Variants in EPB41L4B observed in about 807,000 individuals in gnomAD.
The protein encoded by EPB41L4B is band 4.1-like protein 4B.
Under a neutral mutation model 112.5 loss-of-function variants are expected in EPB41L4B, and 30 were observed. The observed-to-expected ratio is 0.27, with a 90% CI of 0.20 to 0.36. The LOEUF (loss-of-function observed/expected upper bound fraction) is 0.36, where lower values mean the gene tolerates loss of function less well. Among genes scored for constraint, EPB41L4B ranks in the 10% least tolerant of loss-of-function variants. The pLI, the probability that EPB41L4B is intolerant of heterozygous loss-of-function variation, is 1.00. For synonymous variants in EPB41L4B, 408 were observed against 439.7 expected (o/e 0.93, Z 0.90); for missense variants, 1,024 against 1,133.3 (o/e 0.90, Z 1.38).
intron 6 of EPB41L4B, among the ~76,000 whole-genome samples, chr9:109,260,574 CTGGCTAATTTTTGTATTTT>C (rs1835164230): frequency 6.6e-6 from 1 of 152,076 alleles, no homozygotes; most frequent in Non-Finnish European, 1.5e-5. Context: ...ACCACCATGC[CTGGCTAATTTTTGTATTTT>C]TGGTAGAGAT....
chr9:109,240,160 A>T (rs914902210), intron 15 of EPB41L4B: 1 of 985,466 alleles, frequency 1.0e-6, no homozygotes, highest in African/African-American at 1.7e-5. Flanking sequence ...GTCAAAAAAA[A>T]AGCAAGAATA....
At chr9:109,270,437 C>G (rs996177321) in intron 2 of EPB41L4B, among the ~76,000 whole-genome samples, 3 of 152,090 alleles carry the variant, frequency 2.0e-5, no homozygotes, top group African/African-American at 4.8e-5. Context: ...CGTCCATATT[C>G]ATTTGTTGTT....
intron 11 of EPB41L4B, 149 bp from the exon 12 acceptor site, chr9:109,253,699 C>T: frequency 1.6e-6 from 1 of 636,976 alleles, no homozygotes; most frequent in South Asian, 1.9e-5. Flanking sequence ...AAAGTTTAAC[C>T]TTCCATTTGG....
chr9:109,239,038 C>T (rs1210936229), intron 15 of EPB41L4B, among the ~76,000 whole-genome samples: 2 of 152,080 alleles, frequency 1.3e-5, no homozygotes, highest in African/African-American at 2.4e-5. Context: ...TGGCACAGGC[C>T]GACTGTGTTT....
At chr9:109,233,215 C>T (rs1460000633) in intron 15 of EPB41L4B, among the ~76,000 whole-genome samples, 1 of 152,184 alleles carries the variant, frequency 6.6e-6, no homozygotes, top group Non-Finnish European at 1.5e-5. Flanking sequence ...AATTCTGCAG[C>T]CTTTCATCCA....
At chr9:109,263,988 C>G (rs978053220) in intron 5 of EPB41L4B, among the ~76,000 whole-genome samples, 1 of 151,898 alleles carries the variant, frequency 6.6e-6, no homozygotes, top group Non-Finnish European at 1.5e-5. Flanking sequence ...AAGACAATTT[C>G]TAGAGTTACA....
intron 3 of EPB41L4B, among the ~76,000 whole-genome samples, chr9:109,267,958 T>A (rs1333842752): frequency 6.6e-6 from 1 of 152,242 alleles, no homozygotes; most frequent in Non-Finnish European, 1.5e-5. Flanking sequence ...TATGAATTTT[T>A]AAAAATTACC....
intron 4 of EPB41L4B, 51 bp from the exon 5 acceptor site, chr9:109,265,075 C>A: frequency 6.6e-7 from 1 of 1,513,894 alleles, no homozygotes; most frequent in Non-Finnish European, 9.0e-7. Flanking sequence ...CCCAGCTGCT[C>A]CCAATCCCCA....
chr9:109,288,689 C>T (rs1275664331), intron 1 of EPB41L4B, among the ~76,000 whole-genome samples: 1 of 129,268 alleles, frequency 7.7e-6, no homozygotes, highest in African/African-American at 3.1e-5. Context: ...TGCCACTGCA[C>T]TCCAGCCTTG....
At chr9:109,281,729 T>A (rs1836064879) in intron 1 of EPB41L4B, among the ~76,000 whole-genome samples, 1 of 79,764 alleles carries the variant, frequency 1.3e-5, no homozygotes. Context: ...AATAAATTAA[T>A]TAATTAATTT....
intron 1 of EPB41L4B, among the ~76,000 whole-genome samples, chr9:109,316,526 A>G (rs1264668343): frequency 1.3e-5 from 2 of 152,130 alleles, no homozygotes; most frequent in African/African-American, 4.8e-5. Flanking sequence ...CGAGGGAGGG[A>G]GTCCTGCCCT....
chr9:109,251,300 A>G (rs1271024508), intron 13 of EPB41L4B, among the ~76,000 whole-genome samples, 181 bp downstream of exon 13: 3 of 152,258 alleles, frequency 2.0e-5, no homozygotes, highest in Non-Finnish European at 2.9e-5. Context: ...CTGTCTTGGA[A>G]CATTATATTG....
At chr9:109,229,198 G>A (rs1833876094) in intron 15 of EPB41L4B, among the ~76,000 whole-genome samples, 1 of 152,146 alleles carries the variant, frequency 6.6e-6, no homozygotes, top group African/African-American at 2.4e-5. Context: ...CATGGATCTT[G>A]TTACTTACAC....
rs117569740 is a variant in EPB41L4B, at chr9:109,320,230, C to T, written c.217G>A (p.Val73Met). 0.16 allele frequency: 213,430 copies of T among 1,322,246 alleles called. 17,651 individuals carry two copies. Among genetic ancestry groups the T allele is most frequent in the East Asian group, 0.19 (6,237 of 32,132 alleles). The allele number at this position is 1,322,246 out of a possible 1,614,324, so 81.9% of individuals were successfully genotyped here. The change falls in exon 1 of 26, where the codon GTG (valine) becomes ATG (methionine). Residue 73 changes from valine to methionine, a missense_variant. Coordinates refer to ENST00000374566, the MANE Select transcript of EPB41L4B (RefSeq NM_019114.5). ...GCGGCGCCGGCGGCGGAGATGTGCA[C>T]GGCCGCGCCGCCGGTGAGCAGGGGC... is the stretch of plus-strand genomic sequence containing the variant. Reference protein sequence around the residue: ...GGPLLTGGAAVHISAAGAAKA... With the variant: ...GGPLLTGGAAMHISAAGAAKA...
At chr9:109,203,462 T>C (rs1832899420) in intron 19 of EPB41L4B, among the ~76,000 whole-genome samples, 2 of 152,240 alleles carry the variant, frequency 1.3e-5, no homozygotes, top group Admixed American at 1.3e-4. Flanking sequence ...CAGGCAGAGA[T>C]ATTAAAACTG....
chr9:109,245,207 G>A (rs899188572), intron 14 of EPB41L4B, among the ~76,000 whole-genome samples: 1 of 152,208 alleles, frequency 6.6e-6, no homozygotes, highest in Admixed American at 6.5e-5. Context: ...TGTTCCAGGT[G>A]TTTTGATCAC....
chr9:109,284,144 C>G (rs1836180362), intron 1 of EPB41L4B, among the ~76,000 whole-genome samples: 1 of 152,084 alleles, frequency 6.6e-6, no homozygotes, highest in East Asian at 1.9e-4. Context: ...CACAGCTTAA[C>G]CTAGCCTACC....
intron 2 of EPB41L4B, among the ~76,000 whole-genome samples, chr9:109,271,651 C>T (rs1170148050): frequency 3.9e-5 from 6 of 152,132 alleles, no homozygotes; most frequent in Admixed American, 6.5e-5. Context: ...TCAGCAGCGG[C>T]GGGACCTGTC....
At chr9:109,190,899 C>T (rs1188616653) in intron 22 of EPB41L4B, among the ~76,000 whole-genome samples, 2 of 152,158 alleles carry the variant, frequency 1.3e-5, no homozygotes, top group Non-Finnish European at 2.9e-5. Flanking sequence ...CCCTTGCCTC[C>T]CTCTACTTCT....
Sources: gnomAD v4.1 joint callset for allele counts (sites outside exome capture counted in the v4.1 genomes callset) on GRCh38, gnomAD v4.1.1 for gene constraint, MANE v1.5 for transcripts, NCBI Gene and HGNC (gene_info 2026-07-23, HGNC 2026-07-21) for gene names.